Variants in TRPM4 observed in about 807,000 individuals in gnomAD.
The protein encoded by TRPM4 is calcium-activated non-selective cation channel 1.
A neutral mutation model predicts 135.6 loss-of-function variants in TRPM4; 124 were observed. The observed-to-expected ratio is 0.91, with a 90% CI of 0.79 to 1.06. The LOEUF is 1.06. TRPM4 is among the 50% of genes least tolerant of loss of function. TRPM4 has a pLI of 0.00. For synonymous variants in TRPM4, 745 were observed against 705.6 expected (o/e 1.06, Z -0.88); for missense variants, 1,658 against 1,671.4 (o/e 0.99, Z 0.14).
At chr19:49,174,041 C>T (rs1361767985) in intron 9 of TRPM4, among the ~76,000 whole-genome samples, 2 of 152,038 alleles carry the variant, frequency 1.3e-5, no homozygotes, top group Non-Finnish European at 2.9e-5. Context: ...CTCTCAAAGA[C>T]CCCAGATCCC....
At chr19:49,160,790 T>C (rs1449118478) in intron 2 of TRPM4, among the ~76,000 whole-genome samples, 1 of 151,544 alleles carries the variant, frequency 6.6e-6, no homozygotes, top group Non-Finnish European at 1.5e-5. Context: ...GGGAGGAGGC[T>C]GTAGAGAGCG....
intron 2 of TRPM4, among the ~76,000 whole-genome samples, chr19:49,164,298 CCTT>C (rs1276431320): frequency 5.2e-5 from 3 of 57,714 alleles, no homozygotes; most frequent in Non-Finnish European, 1.1e-4. Context: ...TCCCTCCCTT[CCTT>C]CCTTCCTTCC....
intron 10 of TRPM4, 110 bp from the exon 11 acceptor site, chr19:49,182,468 C>T (rs1257928563): frequency 1.4e-6 from 1 of 690,306 alleles, no homozygotes; most frequent in Non-Finnish European, 2.4e-6. Context: ...ATCCATCCAT[C>T]CATCCATCCA....
rs779436318 is a variant in TRPM4, at chr19:49,211,179, C to A, written c.3550C>A (p.Arg1184Ser). The A allele has an allele frequency of 2.5e-5, 40 of 1,605,040 alleles. No individual in the cohort carries two copies. Among genetic ancestry groups the A allele is most frequent in the Admixed American group, 5.2e-5 (3 of 58,046 alleles). ...VLEREVQQCSRVLGWVAEALS... is the reference protein window; with the variant it reads ...VLEREVQQCSSVLGWVAEALS... ...CATTCCGCAGGTCCAGCAGTGTAGC[C>A]GCGTCCTGGGGTGGGTGGCCGAGGC... Residue 1184 changes from arginine to serine, a missense_variant, in exon 24 of 25, where the codon CGC becomes AGC. By Grantham distance (110) the Arg-to-Ser change is moderately radical (BLOSUM62 -1). This residue lies in a region of TRPM4 where 1,412 missense variants were observed against 1,408.7 expected (regional missense o/e 1.00). Coordinates refer to ENST00000252826, the MANE Select transcript of TRPM4 (RefSeq NM_017636.4). The surrounding 1 kb of genome is among the most constrained non-coding windows in gnomAD (Gnocchi z 4.8).
At chr19:49,163,136 T>G (rs969039189) in intron 2 of TRPM4, among the ~76,000 whole-genome samples, 5 of 152,074 alleles carry the variant, frequency 3.3e-5, no homozygotes, top group African/African-American at 1.2e-4. Flanking sequence ...CCCATGCAGC[T>G]ATCACATTGG....
At chr19:49,158,974 G>C (rs1207536976) in intron 2 of TRPM4, 1 of 151,894 alleles carries the variant, frequency 6.6e-6, no homozygotes, top group East Asian at 1.9e-4. Flanking sequence ...GCGTCCGCGA[G>C]GAGCTCCCGC....
In TRPM4 at chr19:49,210,153, C is replaced by T. The variant is rs1024723385; in HGVS notation, c.3132-56C>T. On this transcript the variant is annotated intron_variant, in intron 20 of 24. Coordinates refer to ENST00000252826, the MANE Select transcript of TRPM4 (RefSeq NM_017636.4). The surrounding 1 kb of genome is among the most constrained non-coding windows in gnomAD (Gnocchi z 4.1). ...TTATTGCCTGGCATCTAACCTTCGT[C>T]CTTGCCCCTGGCTGGGCCCTGACCT... is the stretch of plus-strand genomic sequence containing the variant. 3 of 1,576,480 alleles carry T rather than the reference C, an allele frequency of 1.9e-6. No homozygotes were observed. The Admixed American group carries it at 5.0e-5, about 26-fold the overall frequency.
intron 10 of TRPM4, among the ~76,000 whole-genome samples, chr19:49,182,068 C>CCATCCATCCATT (rs1967953102): frequency 7.2e-6 from 1 of 139,044 alleles, no homozygotes; most frequent in African/African-American, 2.9e-5. Context: ...ATCCATCCAT[C>CCATCCATCCATT]CATCCATCCA....
rs774842165 is a variant in TRPM4 at position 49,171,700 on chromosome 19, G to C, written c.981G>C (p.Arg327Ser). The C allele has an allele frequency of 1.9e-6, 3 of 1,613,854 alleles. No homozygotes were observed. The highest frequency in any genetic ancestry group is 1.7e-5 in the Admixed American group (1 of 60,006). The change falls in exon 8 of 25, where the codon AGG becomes AGC. Residue 327 changes from arginine (R) to serine (S), a missense_variant. By Grantham distance (110) the Arg-to-Ser change is moderately radical. Transcript: ENST00000252826. This position sits in a 1 kb window ranked among gnomAD's most constrained non-coding sequence, Gnocchi z 4.7. ...DTLAPGSGGA[R>S]QGEARDRIRR... is the part of the protein sequence containing the mutation. Reference sequence around the variant, plus strand: ...TGGCCCCAGGGAGTGGGGGAGCCAGGCAAGGCGAAGCCCGAGATCGAATCA... The same window carrying C: ...TGGCCCCAGGGAGTGGGGGAGCCAGCCAAGGCGAAGCCCGAGATCGAATCA...
At chr19:49,192,462 C>A (rs1463757895) in intron 16 of TRPM4, among the ~76,000 whole-genome samples, 1 of 152,030 alleles carries the variant, frequency 6.6e-6, no homozygotes, top group Non-Finnish European at 1.5e-5. Context: ...TTTTTTAAGA[C>A]AATGTAGAGA....
chr19:49,210,424 T>C lies in TRPM4; in HGVS notation c.3328+19T>C, dbSNP rs1164110154. The stretch of plus-strand genomic sequence containing the variant: ...CATTTCCGTAAGAACAGAGCTTGGC[T>C]TAAAAAGGAGAAATATAGGGGACCG... On this transcript the variant is annotated intron_variant, in intron 21 of 24. Transcript: ENST00000252826. This position sits in a 1 kb window ranked among gnomAD's most constrained non-coding sequence, Gnocchi z 4.1. 1 of 1,611,356 alleles carries C rather than the reference T, an allele frequency of 6.2e-7. No homozygotes were observed.
At position 49,211,388 on chromosome 19, in the gene TRPM4, T is replaced by C; in HGVS notation, c.3641-106T>C. On this transcript the variant is annotated intron_variant, in intron 24 of 24. Transcript: ENST00000252826. The surrounding 1 kb of genome is among the most constrained non-coding windows in gnomAD (Gnocchi z 4.8). ...CACTCTCTTGGTCTCCTTTGAGCCT[T>C]TTGTACTCTCGCCTTCGTCTTTCTT... is the stretch of plus-strand genomic sequence containing the variant. 1 of 1,597,086 alleles carries C rather than the reference T, an allele frequency of 6.3e-7. No homozygotes were observed.
chr19:49,184,530 C>T (rs1352675240), intron 12 of TRPM4, among the ~76,000 whole-genome samples: 14 of 142,610 alleles, frequency 9.8e-5, no homozygotes, highest in African/African-American at 3.3e-4. Context: ...GCTCAATCTC[C>T]GCTCACTGCA....
At chr19:49,199,321 C>T (rs1253675483) in intron 17 of TRPM4, among the ~76,000 whole-genome samples, 5 of 152,010 alleles carry the variant, frequency 3.3e-5, no homozygotes, top group Admixed American at 3.3e-4. Flanking sequence ...TGCAGTGGCG[C>T]GATCTCGGCT....
chr19:49,192,987 CAT>C (rs905797022), intron 16 of TRPM4, among the ~76,000 whole-genome samples: 122 of 151,754 alleles, frequency 8.0e-4, no homozygotes, highest in African/African-American at 2.7e-3. Context: ...CTCATCTGCA[CAT>C]GTGATGATGA....
chr19:49,161,004 T>C (rs1427440781), intron 2 of TRPM4, among the ~76,000 whole-genome samples: 2 of 151,758 alleles, frequency 1.3e-5, no homozygotes, highest in African/African-American at 4.8e-5. Flanking sequence ...GTCCCTGAGA[T>C]GGAGAGCTCA....
chr19:49,168,612 C>A lies in TRPM4; in HGVS notation c.672C>A (p.Pro224=). ...ACCCGGAGGACGGGGTCCAGTTTCCCCTGGACTACAACTACTCGGCCTTCT... is the reference window on the plus strand; with the variant it reads ...ACCCGGAGGACGGGGTCCAGTTTCCACTGGACTACAACTACTCGGCCTTCT... ...RGDPEDGVQF[P]LDYNYSAFFL... is the part of the protein sequence containing the mutation. Residue 224 remains proline (P), a synonymous_variant, in exon 6 of 25, where the codon CCC becomes CCA. Transcript: ENST00000252826. 6.2e-7 allele frequency: 1 copy of A among 1,613,754 alleles called. No individual in the cohort carries two copies.
chr19:49,204,013 G>C (rs1270811721), intron 20 of TRPM4, among the ~76,000 whole-genome samples: 1 of 152,108 alleles, frequency 6.6e-6, no homozygotes, highest in Non-Finnish European at 1.5e-5. Flanking sequence ...CCAGCTACTT[G>C]GGAGGCTCAG....
At chr19:49,177,271 A>G (rs1967732581) in intron 9 of TRPM4, among the ~76,000 whole-genome samples, 1 of 148,390 alleles carries the variant, frequency 6.7e-6, no homozygotes, top group Non-Finnish European at 1.5e-5. Flanking sequence ...AGGCTTGGGG[A>G]TAGCAGAGTT....
Sources: gnomAD v4.1 joint callset for allele counts (sites outside exome capture counted in the v4.1 genomes callset) on GRCh38, gnomAD v4.1.1 for gene constraint, gnomAD v4.1.1 regional missense constraint, Gnocchi (gnomAD v3.1) non-coding constraint, MANE v1.5 for transcripts, NCBI Gene and HGNC (gene_info 2026-07-23, HGNC 2026-07-21) for gene names.